Variants in OPRM1 observed in about 807,000 individuals in gnomAD.
OPRM1 encodes mu-type opioid receptor.
A neutral mutation model predicts 31.8 loss-of-function variants in OPRM1; 27 were observed. The observed-to-expected ratio is 0.85, with a 90% CI of 0.63 to 1.17. OPRM1 has a LOEUF of 1.17. Ranked by LOEUF, OPRM1 falls within the 50% of genes most tolerant of loss-of-function variation. The pLI is 0.00. For missense variants in OPRM1, 536 were observed against 511.1 expected, an observed-to-expected ratio of 1.05 and a Z score of -0.47; for synonymous variants, 196 against 189.9, an observed-to-expected ratio of 1.03 and a Z score of -0.26.
At chr6:154,191,782 C>G (rs1562532473) in intron 3 of OPRM1, among the ~76,000 whole-genome samples, 1 of 152,016 alleles carries the variant, frequency 6.6e-6, no homozygotes, top group Non-Finnish European at 1.5e-5. Flanking sequence ...CCAGTTGTAA[C>G]AAATGAACCA....
chr6:154,022,701 T>C (rs1317280119), intron 1 of OPRM1, among the ~76,000 whole-genome samples: 1 of 152,236 alleles, frequency 6.6e-6, no homozygotes, highest in East Asian at 1.9e-4. Context: ...TTAAAGTCTT[T>C]AATTCATTTT....
intron 3 of OPRM1, chr6:154,107,527 AG>A (rs775813216): frequency 9.7e-6 from 7 of 718,624 alleles, no homozygotes; most frequent in Non-Finnish European, 1.8e-5. Context: ...GCTACAATGC[AG>A]GGCAGTCTCC....
At chr6:154,175,551 CA>C (rs1293366976) in intron 3 of OPRM1, among the ~76,000 whole-genome samples, 1 of 152,066 alleles carries the variant, frequency 6.6e-6, no homozygotes, top group Non-Finnish European at 1.5e-5. Flanking sequence ...CACCTCTACA[CA>C]AATAAACTAG....
chr6:154,195,578 A>T (rs6913455), intron 3 of OPRM1, among the ~76,000 whole-genome samples: 102,635 of 151,838 alleles, frequency 0.68, 35,343 homozygotes, highest in East Asian at 0.89. Flanking sequence ...CATCCCCTTT[A>T]CCCACGCCTC....
intron 1 of OPRM1, among the ~76,000 whole-genome samples, chr6:154,049,583 A>G (rs1261196987): frequency 1.3e-5 from 2 of 152,234 alleles, no homozygotes; most frequent in African/African-American, 4.8e-5. Context: ...AAATATATAT[A>G]AAATGTTCCT....
At chr6:154,213,987 G>A (rs933581817) in intron 3 of OPRM1, among the ~76,000 whole-genome samples, 4 of 152,210 alleles carry the variant, frequency 2.6e-5, no homozygotes, top group Non-Finnish European at 4.4e-5. Flanking sequence ...CACAGCTGCC[G>A]GAGTGTGGGT....
chr6:154,176,705 G>A (rs554474600), intron 3 of OPRM1, among the ~76,000 whole-genome samples: 19 of 152,302 alleles, frequency 1.2e-4, no homozygotes, highest in African/African-American at 4.6e-4. Context: ...CCATGCTCAT[G>A]GATAGGAAGA....
rs564546201 is a variant in OPRM1 at position 154,124,072 on chromosome 6, T to C, written c.*5351T>C. On this transcript the variant is annotated 3_prime_UTR_variant, in exon 4 of 4. Coordinates refer to ENST00000330432, the MANE Select transcript of OPRM1 (RefSeq NM_000914.5). Reference sequence around the variant, plus strand: ...ACCTCTGACACTTGAATTACAAATATAAGGACCATTGACACTGAGATTTTA... The same window carrying C: ...ACCTCTGACACTTGAATTACAAATACAAGGACCATTGACACTGAGATTTTA... Among the ~76,000 whole-genome samples, 9 of 152,224 alleles carry C rather than the reference T, an allele frequency of 5.9e-5. No individual in the cohort carries two copies. Among genetic ancestry groups the C allele is most frequent in the Non-Finnish European group, 1.2e-4 (8 of 68,002 alleles).
chr6:154,136,563 G>C (rs1297773021), downstream of OPRM1, among the ~76,000 whole-genome samples: 1 of 152,072 alleles, frequency 6.6e-6, no homozygotes, highest in Admixed American at 6.6e-5. Flanking sequence ...AATGGCCAGG[G>C]GGATCTCATG....
In OPRM1 at chr6:154,119,471, G is replaced by A. The variant is rs1797187442; in HGVS notation, c.*750G>A. 3 of 984,422 alleles carry A rather than the reference G, an allele frequency of 3.0e-6. No homozygotes were observed. The highest frequency in any genetic ancestry group is 3.6e-6 in the Non-Finnish European group (3 of 829,064). 61.0% of individuals were successfully genotyped at this position (984,422 alleles called of 1,614,324 possible). ...AGTGGTTTGTTCCTCAGTTTTAAAT[G>A]TGCAATTTTCTTGCTCCTATTTAAG... On this transcript the variant is annotated 3_prime_UTR_variant, in exon 4 of 4. Coordinates refer to ENST00000330432, the MANE Select transcript of OPRM1 (RefSeq NM_000914.5).
chr6:154,231,537 G>A lies in OPRM1; in HGVS notation c.1165-15156G>A, dbSNP rs73567175. ...ATACACTGTGGTATCCACACACAGT[G>A]AATAACTATGAAAAACGCCATACAA... On this transcript the variant is annotated intron_variant, in intron 3 of 3. Coordinates refer to the OPRM1 transcript ENST00000337049. Among the ~76,000 whole-genome samples the A allele has an allele frequency of 4.6e-3, 702 of 152,328 alleles. 7 individuals carry two copies. Among genetic ancestry groups the A allele is most frequent in the African/African-American group, 0.016 (662 of 41,582 alleles).
chr6:154,215,463 G>A (rs1441724016), intron 3 of OPRM1, among the ~76,000 whole-genome samples: 10 of 151,962 alleles, frequency 6.6e-5, no homozygotes, highest in African/African-American at 9.7e-5. Flanking sequence ...AAAATTAGCC[G>A]GGTGTGGTGG....
At chr6:154,163,465 C>T (rs943641642) in intron 3 of OPRM1, among the ~76,000 whole-genome samples, 1 of 152,170 alleles carries the variant, frequency 6.6e-6, no homozygotes, top group Admixed American at 6.5e-5. Flanking sequence ...GTTCTATCCC[C>T]TTTTCTATTC....
intron 3 of OPRM1, among the ~76,000 whole-genome samples, chr6:154,208,990 A>G (rs1726036371): frequency 6.6e-6 from 1 of 152,210 alleles, no homozygotes; most frequent in African/African-American, 2.4e-5. Context: ...AAGGAGGAAC[A>G]TAACATAAAA....
intron 3 of OPRM1, among the ~76,000 whole-genome samples, chr6:154,223,676 C>T (rs17292544): frequency 0.019 from 2,876 of 152,328 alleles, 39 homozygotes; most frequent in Non-Finnish European, 0.031. Context: ...GTGCCCAGAG[C>T]CCTGGAGTTA....
chr6:154,029,579 A>C (rs1286409689), intron 1 of OPRM1, among the ~76,000 whole-genome samples: 1 of 152,254 alleles, frequency 6.6e-6, no homozygotes, highest in Non-Finnish European at 1.5e-5. Flanking sequence ...CAGCTATATT[A>C]AAGGATATGT....
In OPRM1 at chr6:154,129,860, A is replaced by G. The variant is rs1242515621; in HGVS notation, c.*11139A>G. On this transcript the variant is annotated 3_prime_UTR_variant, in exon 4 of 4. Transcript: ENST00000330432. ...GACACCCTCCCCCCCCAGCACACAC[A>G]CACACACACACACACACACACACAC... 3.7e-5 allele frequency among the ~76,000 whole-genome samples: 5 copies of G among 135,296 alleles called. No homozygotes were observed. Among genetic ancestry groups the G allele is most frequent in the Admixed American group, 2.9e-4 (4 of 13,656 alleles). 88.8% of individuals were successfully genotyped at this position (135,296 alleles called of 152,430 possible).
chr6:154,243,172 T>C (rs527957252), intron 3 of OPRM1, among the ~76,000 whole-genome samples: 188 of 152,108 alleles, frequency 1.2e-3, no homozygotes, highest in African/African-American at 4.4e-3. Flanking sequence ...GGCTGACAAG[T>C]GTGAGGAAAT....
chr6:154,137,079 A>G (rs888840005), downstream of OPRM1, among the ~76,000 whole-genome samples: 17 of 152,214 alleles, frequency 1.1e-4, no homozygotes, highest in African/African-American at 3.9e-4. Flanking sequence ...CTCGTTTCAC[A>G]GATTAGGAAA....
Sources: gnomAD v4.1 joint callset for allele counts (sites outside exome capture counted in the v4.1 genomes callset) on GRCh38, gnomAD v4.1.1 for gene constraint, MANE v1.5 for transcripts, NCBI Gene and HGNC (gene_info 2026-07-23, HGNC 2026-07-21) for gene names.